The following FLRT2 variants were observed in gnomAD, a reference collection of about 807,000 sequenced individuals.
FLRT2 encodes fibronectin leucine rich transmembrane protein 2, also known as leucine-rich repeat transmembrane protein FLRT2.
In FLRT2, 15 loss-of-function variants were observed where a neutral mutation model predicts 40.0. The observed-to-expected ratio is 0.38, with a 90% CI of 0.25 to 0.58. FLRT2 has a LOEUF of 0.58. Ranked by LOEUF, FLRT2 falls within the 20% of genes least tolerant of loss-of-function variation. FLRT2 has a pLI of 0.71. For missense variants in FLRT2, 726 were observed against 840.0 expected (o/e 0.86, Z 1.68); for synonymous variants, 380 against 336.8 (o/e 1.13, Z -1.41).
intron 1 of FLRT2, among the ~76,000 whole-genome samples, chr14:85,584,944 A>C (rs1891553081): frequency 6.6e-6 from 1 of 151,070 alleles, no homozygotes; most frequent in African/African-American, 2.4e-5. Context: ...GGGCGGGGGG[A>C]AGGTAGAAAT....
chr14:85,573,516 C>CAGTT (rs1890992446), intron 1 of FLRT2, among the ~76,000 whole-genome samples: 1 of 152,112 alleles, frequency 6.6e-6, no homozygotes, highest in Non-Finnish European at 1.5e-5. Flanking sequence ...CATGATTGGC[C>CAGTT]AGTTGCTTTG....
At chr14:85,557,802 G>A (rs1210559240) in intron 1 of FLRT2, among the ~76,000 whole-genome samples, 1 of 151,940 alleles carries the variant, frequency 6.6e-6, no homozygotes, top group Non-Finnish European at 1.5e-5. Context: ...GGCAACAAGA[G>A]TAAAACTCCA....
At chr14:85,589,344 T>C (rs1891779550) in intron 1 of FLRT2, among the ~76,000 whole-genome samples, 1 of 152,218 alleles carries the variant, frequency 6.6e-6, no homozygotes, top group Non-Finnish European at 1.5e-5. Flanking sequence ...AGTTTTAATT[T>C]GCATTTCTCT....
At position 85,622,430 on chromosome 14, in the gene FLRT2, A is replaced by C. The variant is rs1893439862; in HGVS notation, c.916A>C (p.Thr306Pro). Reference sequence around the variant, plus strand: ...TAATCTCTCCAACCTGAAGCAGCTCACTGCTCGGAATAACCCTTGGTTTTG... The same window carrying C: ...TAATCTCTCCAACCTGAAGCAGCTCCCTGCTCGGAATAACCCTTGGTTTTG... Reference protein sequence around the residue: ...FDNLSNLKQLTARNNPWFCDC... With the variant: ...FDNLSNLKQLPARNNPWFCDC... The change falls in exon 2 of 2, where the codon ACT becomes CCT. Residue 306 changes from threonine (T) to proline (P), a missense_variant. Physicochemically the swap from Thr to Pro is conservative, Grantham distance 38 (BLOSUM62 -1). Around this residue, in one of 3 missense-constraint regions of FLRT2, gnomAD observed 611 missense variants for 690.0 expected, o/e 0.89. Transcript: ENST00000330753. 1 of 1,614,184 alleles carries C rather than the reference A, an allele frequency of 6.2e-7. No homozygotes were observed. The highest frequency in any genetic ancestry group is 8.5e-7 in the Non-Finnish European group (1 of 1,180,030).
In FLRT2 at chr14:85,533,547, C is replaced by T. The variant is rs368076177; in HGVS notation, c.-377+3013C>T. ...GAGGAGCTCCGGCGCCGCGGGGCAG[C>T]TTTCTGCCGCCTTCCCCGCTCGCTG... On this transcript the variant is annotated intron_variant, in intron 1 of 1. Transcript: ENST00000330753. Among the ~76,000 whole-genome samples, 3 of 152,226 alleles carry T rather than the reference C, an allele frequency of 2.0e-5. No individual in the cohort carries two copies. In the East Asian group the frequency reaches 5.9e-4, roughly 30 times the overall value.
chr14:85,559,807 T>TAG (rs1337527212), intron 1 of FLRT2, among the ~76,000 whole-genome samples: 1 of 152,164 alleles, frequency 6.6e-6, no homozygotes, highest in Admixed American at 6.5e-5. Context: ...TCCGTGAGGT[T>TAG]AGATCACAGG....
chr14:85,548,444 C>T (rs912417217), intron 1 of FLRT2, among the ~76,000 whole-genome samples: 13 of 152,152 alleles, frequency 8.5e-5, no homozygotes, highest in Admixed American at 2.6e-4. Context: ...AAAACCTGTA[C>T]TCTTTCCAAG....
Position 85,623,605 on chromosome 14 carries a change from C to A in FLRT2, c.*108C>A. The A allele has an allele frequency of 1.2e-6, 1 of 831,356 alleles. No individual in the cohort carries two copies. Among genetic ancestry groups the A allele is most frequent in the Non-Finnish European group, 1.7e-6 (1 of 578,400 alleles). 51.5% of individuals were successfully genotyped at this position (831,356 alleles called of 1,614,324 possible). A position where few individuals can be genotyped will look rare whatever the true frequency, so the allele number is the denominator to read the frequency against. ...ACATTTGATAAATGTTACACAGATG[C>A]ATTTGTGCATTTGAATACTCTGTAA... On this transcript the variant is annotated 3_prime_UTR_variant, in exon 2 of 2. Transcript: ENST00000330753.
rs985501625 is a variant in FLRT2 at position 85,623,430 on chromosome 14, G to A, written c.1916G>A (p.Cys639Tyr). 5 of 1,491,360 alleles carry A rather than the reference G, an allele frequency of 3.4e-6. No homozygotes were observed. Among genetic ancestry groups the A allele is most frequent in the Non-Finnish European group, 4.5e-6 (5 of 1,123,136 alleles). The allele number at this position is 1,491,360 out of a possible 1,614,324, so 92.4% of individuals were successfully genotyped here. The change falls in exon 2 of 2, where the codon TGC becomes TAC. Residue 639 changes from cysteine (C) to tyrosine (Y), a missense_variant. By Grantham distance (194) the Cys-to-Tyr change is radical (BLOSUM62 -2). Transcript: ENST00000330753. The stretch of plus-strand genomic sequence containing the variant: ...AATGGGGGCATTAATTACACAGACT[G>A]CCATATCCCCAACAACATGCGATAC... ...TPNGGINYTD[C>Y]HIPNNMRYCN...
intron 1 of FLRT2, among the ~76,000 whole-genome samples, chr14:85,575,852 A>C (rs1041707837): frequency 2.0e-5 from 3 of 152,184 alleles, no homozygotes; most frequent in African/African-American, 7.2e-5. Flanking sequence ...TAAAGAAGTG[A>C]TAATGCCACT....
chr14:85,557,350 C>T (rs1221422758), intron 1 of FLRT2, among the ~76,000 whole-genome samples: 2 of 151,832 alleles, frequency 1.3e-5, no homozygotes, highest in South Asian at 2.1e-4. Context: ...CTTGTAATAC[C>T]TCTGCCGCAC....
rs1893646542 is a variant in FLRT2 at position 85,625,591 on chromosome 14, T to A, written c.*2094T>A. On this transcript the variant is annotated 3_prime_UTR_variant, in exon 2 of 2. Transcript: ENST00000330753. ...GACTCTGGTTTCCATTTTAGTCTAT[T>A]AGCTAGAGGGTTTTGGCTGTTGCTT... 1 of 167,078 alleles carries A rather than the reference T, an allele frequency of 6.0e-6. No individual in the cohort carries two copies. Among genetic ancestry groups the A allele is most frequent in the African/African-American group, 2.4e-5 (1 of 41,468 alleles). The allele number at this position is 167,078 out of a possible 1,614,324, so 10.3% of individuals were successfully genotyped here. A position where few individuals can be genotyped will look rare whatever the true frequency, so the allele number is the denominator to read the frequency against.
chr14:85,569,194 C>T (rs1221180555), intron 1 of FLRT2, among the ~76,000 whole-genome samples: 1 of 152,176 alleles, frequency 6.6e-6, no homozygotes, highest in African/African-American at 2.4e-5. Flanking sequence ...GAGCATTGTT[C>T]TTTAATTTCT....
chr14:85,626,410 A>G lies in FLRT2; in HGVS notation c.*2913A>G, dbSNP rs1441407924. 6.0e-6 allele frequency: 1 copy of G among 167,132 alleles called. No homozygotes were observed. Among genetic ancestry groups the G allele is most frequent in the Non-Finnish European group, 1.5e-5 (1 of 68,130 alleles). 10.4% of individuals were successfully genotyped at this position (167,132 alleles called of 1,614,324 possible). On this transcript the variant is annotated 3_prime_UTR_variant, in exon 2 of 2. Transcript: ENST00000330753. ...AAAAGCCATGCTCACTGGCCAATAA[A>G]GAGCTTGATGCTGCCTGGCCAAATG...
intron 1 of FLRT2, among the ~76,000 whole-genome samples, chr14:85,612,593 ATAATAAGCAATAC>A (rs991690118): frequency 4.6e-5 from 7 of 152,274 alleles, no homozygotes; most frequent in Admixed American, 4.6e-4. Flanking sequence ...AGGGTCAAGG[ATAATAAGCAATAC>A]TAATTTTCTT....
At chr14:85,579,503 G>A (rs1205588659) in intron 1 of FLRT2, among the ~76,000 whole-genome samples, 1 of 152,086 alleles carries the variant, frequency 6.6e-6, no homozygotes, top group Non-Finnish European at 1.5e-5. Context: ...GGGCTGGAAA[G>A]TGTCGGAAAA....
Position 85,636,427 on chromosome 14 carries a change from A to T in FLRT2, c.*12930A>T, listed in dbSNP as rs1894006725. 6.7e-6 allele frequency: 1 copy of T among 148,186 alleles called. No individual in the cohort carries two copies. Among genetic ancestry groups the T allele is most frequent in the South Asian group, 2.2e-4 (1 of 4,642 alleles). 9.2% of individuals were successfully genotyped at this position (148,186 alleles called of 1,614,324 possible). ...AAAAAAACAAAAAACATTCTTATTA[A>T]TCTTAACTAATTTTCTTTAGTGACA... On this transcript the variant is annotated 3_prime_UTR_variant, in exon 2 of 2. Coordinates refer to ENST00000330753, the MANE Select transcript of FLRT2 (RefSeq NM_013231.6).
intron 1 of FLRT2, among the ~76,000 whole-genome samples, chr14:85,532,402 TCTC>T (rs914839793): frequency 1.3e-5 from 2 of 152,150 alleles, no homozygotes; most frequent in South Asian, 2.1e-4. Context: ...ACCAAAAACA[TCTC>T]CTCCTTCCTA....
chr14:85,570,274 A>G (rs1035473626), intron 1 of FLRT2, among the ~76,000 whole-genome samples: 1 of 152,224 alleles, frequency 6.6e-6, no homozygotes, highest in Non-Finnish European at 1.5e-5. Flanking sequence ...ATGTGAGGAT[A>G]TTGTAAATAA....
Sources: allele counts gnomAD v4.1 joint callset (sites outside exome capture counted in the v4.1 genomes callset), GRCh38; gene constraint gnomAD v4.1.1; regional missense constraint gnomAD v4.1.1; transcripts MANE v1.5; gene names NCBI Gene and HGNC (gene_info 2026-07-23, HGNC 2026-07-21).